The following SLC17A2 variants were observed in gnomAD, a reference collection of about 807,000 sequenced individuals.
SLC17A2 encodes the protein solute carrier family 17 member 2, also known as sodium-dependent phosphate transport protein 3.
SLC17A2 carries 38 observed loss-of-function variants against 52.1 expected under a neutral mutation model. That is an observed-to-expected ratio of 0.73 (90% confidence interval 0.56 to 0.96). The LOEUF is 0.96. Among genes scored for constraint, SLC17A2 ranks in the 40% least tolerant of loss-of-function variants. The probability of loss-of-function intolerance (pLI) is 0.00; values close to 1 mark genes in which losing one functional copy is unlikely to be tolerated. For synonymous variants in SLC17A2, 226 were observed against 211.9 expected (o/e 1.07, Z -0.58); for missense variants, 508 against 583.9 (o/e 0.87, Z 1.34).
chr6:25,913,280 T>C lies in SLC17A2; in HGVS notation c.*37A>G, dbSNP rs1436798328. 1.2e-6 allele frequency: 2 copies of C among 1,611,584 alleles called. No individual in the cohort carries two copies. The highest frequency in any genetic ancestry group is 2.2e-5 in the East Asian group (1 of 44,848). On this transcript the variant is annotated 3_prime_UTR_variant, in exon 12 of 12. Coordinates refer to ENST00000377850, the MANE Select transcript of SLC17A2 (RefSeq NM_001286123.3). ...AAGTAAAAAATGTTTAAAAAGTTCA[T>C]GCTCAGTACCACATTTAAGTTTGTA...
chr6:25,913,466 CAG>C lies in SLC17A2; in HGVS notation c.1303-17_1303-16del. The C allele has an allele frequency of 1.2e-6, 2 of 1,612,834 alleles. No individual in the cohort carries two copies. Among genetic ancestry groups the C allele is most frequent in the Non-Finnish European group, 1.7e-6 (2 of 1,179,116 alleles). On this transcript the variant is annotated splice_polypyrimidine_tract_variant and intron_variant, in intron 11 of 11. Coordinates refer to ENST00000377850, the MANE Select transcript of SLC17A2 (RefSeq NM_001286123.3). ...GACTCAAAATCCTAGATGTAAAAAA[CAG>C]AGAAAATGATCAATCTCACAAGTTC...
chr6:25,925,510 CA>C (rs71763063), intron 2 of SLC17A2, among the ~76,000 whole-genome samples: 40,177 of 95,792 alleles, frequency 0.42, 6,139 homozygotes, highest in East Asian at 0.67. Context: ...AAGACTCAGT[CA>C]AAAAAAAAAA....
intron 5 of SLC17A2, 54 bp from the exon 6 acceptor site, chr6:25,918,627 G>A (rs17526722): frequency 0.063 from 76,106 of 1,207,546 alleles, 3,181 homozygotes; most frequent in Non-Finnish European, 0.084. Flanking sequence ...CTGAGACTTC[G>A]TGGCCTCCCT....
At chr6:25,929,028 T>C (rs943958412) in intron 1 of SLC17A2, among the ~76,000 whole-genome samples, 3 of 152,244 alleles carry the variant, frequency 2.0e-5, no homozygotes, top group Non-Finnish European at 4.4e-5. Flanking sequence ...TTTCCCTTTT[T>C]TTAAGTCTAG....
In SLC17A2 at chr6:25,925,504, C is replaced by T. The variant is rs1766729087; in HGVS notation, c.28+265G>A. Among the ~76,000 whole-genome samples the T allele has an allele frequency of 2.3e-5, 3 of 130,838 alleles. No homozygotes were observed. The South Asian group carries it at 8.1e-4, about 35-fold the overall frequency. 85.8% of individuals were successfully genotyped at this position (130,838 alleles called of 152,430 possible). On this transcript the variant is annotated intron_variant, in intron 2 of 11. Coordinates refer to ENST00000377850, the MANE Select transcript of SLC17A2 (RefSeq NM_001286123.3). Reference sequence around the variant, plus strand: ...CTCCAGCCTGTGAGACAGAGCAAGACTCAGTCAAAAAAAAAAAAAAAAAAG... The same window carrying T: ...CTCCAGCCTGTGAGACAGAGCAAGATTCAGTCAAAAAAAAAAAAAAAAAAG...
intron 1 of SLC17A2, among the ~76,000 whole-genome samples, chr6:25,928,587 G>A (rs572594953): frequency 2.0e-5 from 3 of 152,102 alleles, no homozygotes; most frequent in East Asian, 3.9e-4. Flanking sequence ...TCAGTTCTTC[G>A]TTTCCTATTT....
At chr6:25,916,103 C>T (rs1001968200) in intron 8 of SLC17A2, among the ~76,000 whole-genome samples, 1 of 152,082 alleles carries the variant, frequency 6.6e-6, no homozygotes, top group African/African-American at 2.4e-5. Flanking sequence ...GTTTTTGAAA[C>T]GGAGTCTTAC....
intron 2 of SLC17A2, 110 bp downstream of exon 2, chr6:25,925,659 T>C (rs1279569584): frequency 6.9e-6 from 7 of 1,020,944 alleles, no homozygotes; most frequent in Admixed American, 6.8e-5. Flanking sequence ...GCTCCAATGT[T>C]ACACTGGGAG....
At chr6:25,925,914 A>G (rs956267216) in intron 1 of SLC17A2, 35 bp from the exon 2 acceptor site, 2 of 1,080,966 alleles carry the variant, frequency 1.9e-6, no homozygotes, top group South Asian at 2.5e-5. Context: ...CATAATACAC[A>G]AATAATTTCC....
Position 25,915,867 on chromosome 6 carries a change from C to G in SLC17A2, c.932G>C (p.Ser311Thr). The change falls in exon 9 of 12, where the codon AGT becomes ACT. Residue 311 changes from serine to threonine, a missense_variant and splice_region_variant. Ser to Thr is a moderately conservative substitution (Grantham distance 58). Transcript: ENST00000377850. ...STLLHVNIRD[S>T]GVLSSLPFIA... ...AAAAGGCAGGGAGGACAGAACTCCA[C>G]TCTGAAGGAAGGAAGTTTATACAGA... 1 of 1,613,324 alleles carries G rather than the reference C, an allele frequency of 6.2e-7. No homozygotes were observed. The highest frequency in any genetic ancestry group is 8.5e-7 in the Non-Finnish European group (1 of 1,179,756).
intron 5 of SLC17A2, among the ~76,000 whole-genome samples, chr6:25,919,655 G>A (rs554170824): frequency 7.6e-6 from 1 of 131,560 alleles, no homozygotes; most frequent in African/African-American, 3.0e-5. Flanking sequence ...AGCCGAGATA[G>A]CGCTACTGCA....
chr6:25,919,101 AATG>A lies in SLC17A2; in HGVS notation c.563-531_563-529del, dbSNP rs551487912. On this transcript the variant is annotated intron_variant, in intron 5 of 11. Coordinates refer to ENST00000377850, the MANE Select transcript of SLC17A2 (RefSeq NM_001286123.3). ...TATTTCACAGAGACCTATAGTAAGA[AATG>A]CATTTTACAGGGTAACATAACACAC... Among the ~76,000 whole-genome samples the A allele has an allele frequency of 8.3e-4, 126 of 152,320 alleles. 3 individuals are homozygous for A. Among genetic ancestry groups the A allele is most frequent in the Admixed American group, 5.9e-3 (90 of 15,310 alleles).
chr6:25,927,263 A>G (rs1290374130), intron 1 of SLC17A2, among the ~76,000 whole-genome samples: 1 of 152,244 alleles, frequency 6.6e-6, no homozygotes, highest in East Asian at 1.9e-4. Flanking sequence ...AGTATTACTC[A>G]TGACTGCATA....
chr6:25,915,462 G>T, intron 10 of SLC17A2, 37 bp downstream of exon 10: 3 of 1,533,122 alleles, frequency 2.0e-6, no homozygotes, highest in Non-Finnish European at 1.8e-6. Flanking sequence ...CCTCTGGAGG[G>T]GTCTGGAGGA....
At chr6:25,915,344 T>A (rs919027039) in intron 10 of SLC17A2, among the ~76,000 whole-genome samples, 155 bp downstream of exon 10, 3 of 151,552 alleles carry the variant, frequency 2.0e-5, no homozygotes, top group Non-Finnish European at 4.4e-5. Flanking sequence ...GCCACATTTG[T>A]TGTTCTAAAA....
chr6:25,923,051 G>A (rs927780635), intron 3 of SLC17A2, among the ~76,000 whole-genome samples: 6 of 152,108 alleles, frequency 3.9e-5, no homozygotes, highest in Admixed American at 3.9e-4. Context: ...GCCAGCCGCG[G>A]TGGCATGCCC....
intron 1 of SLC17A2, among the ~76,000 whole-genome samples, chr6:25,929,081 T>G (rs1766864036): frequency 6.6e-6 from 1 of 152,220 alleles, no homozygotes; most frequent in Non-Finnish European, 1.5e-5. Flanking sequence ...TGCTCTTAGA[T>G]TCTCCTAATA....
intron 6 of SLC17A2, 37 bp from the exon 7 acceptor site, chr6:25,917,124 T>C: frequency 1.3e-6 from 2 of 1,511,178 alleles, no homozygotes; most frequent in Non-Finnish European, 9.2e-7. Flanking sequence ...TTAGGTAGAT[T>C]TGTTTACTGG....
intron 6 of SLC17A2, among the ~76,000 whole-genome samples, chr6:25,918,221 G>A (rs1284159420): frequency 2.6e-5 from 4 of 152,214 alleles, no homozygotes; most frequent in African/African-American, 9.6e-5. Context: ...GCTTGATATG[G>A]AAGGACAAGA....
Sources: allele counts gnomAD v4.1 joint callset (sites outside exome capture counted in the v4.1 genomes callset), GRCh38; gene constraint gnomAD v4.1.1; transcripts MANE v1.5; gene names NCBI Gene and HGNC (gene_info 2026-07-23, HGNC 2026-07-21).